The following NPAS3 variants were observed in gnomAD, a reference collection of about 807,000 sequenced individuals.
NPAS3 encodes neuronal PAS domain-containing protein 3.
NPAS3 carries 14 observed loss-of-function variants against 73.1 expected under a neutral mutation model. That is an observed-to-expected ratio of 0.19 (90% CI 0.13 to 0.30). The LOEUF is 0.30. Ranked by LOEUF, NPAS3 falls within the 10% of genes least tolerant of loss-of-function variation. The pLI is 1.00. For missense variants in NPAS3, 1,096 were observed against 1,250.0 expected, an observed-to-expected ratio of 0.88 and a Z score of 1.86; for synonymous variants, 620 against 541.5, an observed-to-expected ratio of 1.14 and a Z score of -2.01.
intron 7 of NPAS3, among the ~76,000 whole-genome samples, chr14:33,737,457 C>A (rs963330711): frequency 1.3e-5 from 2 of 152,090 alleles, no homozygotes; most frequent in African/African-American, 4.8e-5. Context: ...TCGAATCATG[C>A]AATGTTAAAG....
At position 33,361,297 on chromosome 14, in the gene NPAS3, C is replaced by T. The variant is rs2045589455; in HGVS notation, c.386-5889C>T. On this transcript the variant is annotated intron_variant, in intron 3 of 11. Coordinates refer to ENST00000356141, the Ensembl canonical transcript of NPAS3. ...CTACAGTGATATTTGGTTGCCGTTT[C>T]ACATTTAGAGGACTATGCCATTTTG... Among the ~76,000 whole-genome samples the T allele has an allele frequency of 3.3e-5, 5 of 152,294 alleles. No individual in the cohort carries two copies. In the South Asian group the frequency reaches 1.0e-3, roughly 32 times the overall value.
At chr14:33,640,442 A>G (rs1327179665) in intron 5 of NPAS3, among the ~76,000 whole-genome samples, 1 of 152,194 alleles carries the variant, frequency 6.6e-6, no homozygotes, top group East Asian at 1.9e-4. Flanking sequence ...ATCTATGGCT[A>G]TAGTTTGAAG....
chr14:32,941,495 G>T (rs552577346), intron 1 of NPAS3, among the ~76,000 whole-genome samples: 1 of 151,400 alleles, frequency 6.6e-6, no homozygotes, highest in Admixed American at 6.6e-5. Context: ...AAACTTCATA[G>T]CCTGTGCATG....
At chr14:33,594,916 G>T (rs1352902789) in intron 5 of NPAS3, among the ~76,000 whole-genome samples, 3 of 151,986 alleles carry the variant, frequency 2.0e-5, no homozygotes, top group Non-Finnish European at 4.4e-5. Flanking sequence ...TATTATAAGG[G>T]GAAAAGAAAA....
intron 2 of NPAS3, among the ~76,000 whole-genome samples, chr14:33,151,075 C>T (rs1331704591): frequency 2.0e-5 from 3 of 152,220 alleles, no homozygotes; most frequent in Non-Finnish European, 4.4e-5. Flanking sequence ...ATACTTAACA[C>T]CGTGAATCTC....
At chr14:32,939,076 C>A (rs2139025059), upstream of NPAS3, among the ~76,000 whole-genome samples, 1 of 144,558 alleles carries the variant, frequency 6.9e-6, no homozygotes, top group African/African-American at 2.5e-5. Flanking sequence ...AGGCTCCGGC[C>A]CCACTACTTT....
At chr14:33,349,709 C>T (rs1444534345) in intron 3 of NPAS3, among the ~76,000 whole-genome samples, 8 of 152,144 alleles carry the variant, frequency 5.3e-5, no homozygotes, top group East Asian at 3.9e-4. Context: ...TTGTACATTA[C>T]GAGTCACTTG....
chr14:33,212,753 T>G (rs2047084411), intron 2 of NPAS3, among the ~76,000 whole-genome samples: 1 of 152,222 alleles, frequency 6.6e-6, no homozygotes, highest in Admixed American at 6.5e-5. Context: ...TCTACTTTGC[T>G]TCAGTTGAAT....
rs886624881 is a variant in NPAS3 at position 33,459,052 on chromosome 14, G to C, written c.468+91784G>C. ...GCTAAACAAGGGGTGGATTATTCAT[G>C]CCTTCCCTTTTTAGACCATATAGGG... On this transcript the variant is annotated intron_variant, in intron 4 of 11. Coordinates refer to ENST00000356141, the Ensembl canonical transcript of NPAS3. Among the ~76,000 whole-genome samples, 3 of 152,216 alleles carry C rather than the reference G, an allele frequency of 2.0e-5. No individual in the cohort carries two copies. In the South Asian group the frequency reaches 6.2e-4, roughly 32 times the overall value.
intron 1 of NPAS3, among the ~76,000 whole-genome samples, chr14:32,955,057 A>T (rs2036620283): frequency 1.3e-5 from 2 of 152,142 alleles, no homozygotes; most frequent in Non-Finnish European, 2.9e-5. Flanking sequence ...GCATGGAGTC[A>T]CACTTTTGTA....
chr14:33,093,619 G>GTATA (rs200729132), intron 2 of NPAS3, among the ~76,000 whole-genome samples: 31,239 of 151,922 alleles, frequency 0.21, 3,405 homozygotes, highest in East Asian at 0.36. Flanking sequence ...CCATTACTGG[G>GTATA]TATATACCCA....
chr14:33,070,564 C>T (rs1216708745), intron 2 of NPAS3, among the ~76,000 whole-genome samples: 1 of 152,154 alleles, frequency 6.6e-6, no homozygotes, highest in Non-Finnish European at 1.5e-5. Context: ...AAATATTGAA[C>T]AGGGAAGCCC....
chr14:33,302,000 C>T (rs921081272), intron 3 of NPAS3, among the ~76,000 whole-genome samples: 12 of 152,136 alleles, frequency 7.9e-5, no homozygotes, highest in Admixed American at 5.2e-4. Flanking sequence ...CCTCTCCGTG[C>T]GTGGCTTGCC....
intron 4 of NPAS3, among the ~76,000 whole-genome samples, chr14:33,457,922 A>G (rs2050094840): frequency 6.6e-6 from 1 of 152,160 alleles, no homozygotes; most frequent in South Asian, 2.1e-4. Context: ...TGTATCCTGA[A>G]GTCTTTGTAT....
chr14:33,088,627 G>A (rs1052086483), intron 2 of NPAS3, among the ~76,000 whole-genome samples: 1 of 152,236 alleles, frequency 6.6e-6, no homozygotes, highest in Non-Finnish European at 1.5e-5. Flanking sequence ...AAAGGCAGCA[G>A]AAACCTCTGC....
chr14:33,790,637 T>A (rs2063330602), intron 9 of NPAS3, among the ~76,000 whole-genome samples: 1 of 152,208 alleles, frequency 6.6e-6, no homozygotes, highest in African/African-American at 2.4e-5. Flanking sequence ...TATTTCTTTT[T>A]CATTTTTTAA....
At chr14:33,650,082 A>G (rs2058947019) in intron 5 of NPAS3, among the ~76,000 whole-genome samples, 1 of 152,204 alleles carries the variant, frequency 6.6e-6, no homozygotes. Context: ...GACCAGGAGG[A>G]TGTGTTTTTA....
chr14:33,188,669 G>C (rs1441787369), intron 2 of NPAS3, among the ~76,000 whole-genome samples: 1 of 152,178 alleles, frequency 6.6e-6, no homozygotes, highest in Non-Finnish European at 1.5e-5. Context: ...CTTCAGCTCA[G>C]TTCAGGACTT....
At chr14:32,990,531 G>T (rs114063992) in intron 1 of NPAS3, among the ~76,000 whole-genome samples, 1 of 152,004 alleles carries the variant, frequency 6.6e-6, no homozygotes, top group Non-Finnish European at 1.5e-5. Flanking sequence ...GAATGTTTTA[G>T]TAATAATGGA....
Sources: allele counts gnomAD v4.1 joint callset (sites outside exome capture counted in the v4.1 genomes callset), GRCh38; gene constraint gnomAD v4.1.1; transcripts MANE v1.5; gene names NCBI Gene and HGNC (gene_info 2026-07-23, HGNC 2026-07-21).